Variants in STK32C observed in about 807,000 individuals in gnomAD.
STK32C encodes serine/threonine kinase 32C.
A neutral mutation model predicts 56.5 loss-of-function variants in STK32C; 31 were observed. The observed-to-expected ratio is 0.55, with a 90% CI of 0.41 to 0.74. The LOEUF is 0.74. Among genes scored for constraint, STK32C ranks in the 30% least tolerant of loss-of-function variants. STK32C has a pLI of 0.00. For synonymous variants in STK32C, 309 were observed against 289.4 expected, an observed-to-expected ratio of 1.07 and a Z score of -0.69; for missense variants, 544 against 676.9, an observed-to-expected ratio of 0.80 and a Z score of 2.18.
chr10:132,330,625 ACCCT>A (rs2066650288), intron 1 of STK32C: 1 of 645,868 alleles, frequency 1.5e-6, no homozygotes. Context: ...CTCTTGCCTC[ACCCT>A]CCCACACAGC....
Position 132,328,926 on chromosome 10 carries a change from G to A in STK32C, c.301+2510C>T, listed in dbSNP as rs550188435. 3.3e-5 allele frequency among the ~76,000 whole-genome samples: 5 copies of A among 152,338 alleles called. No homozygotes were observed. The South Asian group carries it at 1.0e-3, about 32-fold the overall frequency. ...CATGACCCCAAAAGGCTGGACGGAGGCTCCTGCCAGAGCATGACACACAGT... is the reference window on the plus strand; with the variant it reads ...CATGACCCCAAAAGGCTGGACGGAGACTCCTGCCAGAGCATGACACACAGT... On this transcript the variant is annotated intron_variant, in intron 1 of 1. Transcript: ENST00000368619.
At chr10:132,229,215 C>G (rs1222220924) in intron 2 of STK32C, among the ~76,000 whole-genome samples, 1 of 152,168 alleles carries the variant, frequency 6.6e-6, no homozygotes, top group African/African-American at 2.4e-5. Context: ...TAATCCAGAC[C>G]CGTTTCCAAG....
intron 2 of STK32C, 92 bp downstream of exon 2, chr10:132,245,808 T>G (rs878958068): frequency 1.5e-6 from 2 of 1,294,910 alleles, no homozygotes. Flanking sequence ...CCAAGGAGGA[T>G]GGGAGTAGGT....
chr10:132,230,009 CT>C (rs1475564444), intron 2 of STK32C, among the ~76,000 whole-genome samples: 1 of 152,180 alleles, frequency 6.6e-6, no homozygotes, highest in Non-Finnish European at 1.5e-5. Flanking sequence ...CAGGAAGAGC[CT>C]TGTGTTGGGG....
At chr10:132,249,373 C>G (rs2137970262) in intron 1 of STK32C, among the ~76,000 whole-genome samples, 1 of 152,286 alleles carries the variant, frequency 6.6e-6, no homozygotes, top group Non-Finnish European at 1.5e-5. Context: ...CCAAGACAGC[C>G]ATGCAGATGC....
intron 1 of STK32C, chr10:132,249,186 C>A (rs1158819287): frequency 1.3e-5 from 2 of 149,678 alleles, no homozygotes; most frequent in African/African-American, 4.4e-5. Context: ...GGGGTCAGGG[C>A]GTGTCAGGGG....
At chr10:132,322,191 T>C (rs1463133527), downstream of STK32C, among the ~76,000 whole-genome samples, 1 of 152,232 alleles carries the variant, frequency 6.6e-6, no homozygotes, top group Non-Finnish European at 1.5e-5. Flanking sequence ...ATATTTTTAT[T>C]GGCCATTTAT....
At chr10:132,248,022 T>G (rs1565106553) in intron 1 of STK32C, among the ~76,000 whole-genome samples, 1 of 152,214 alleles carries the variant, frequency 6.6e-6, no homozygotes, top group East Asian at 1.9e-4. Context: ...GAGCCCCCGT[T>G]CCAGGCGGCA....
At chr10:132,295,607 C>T (rs747903504) in intron 1 of STK32C, among the ~76,000 whole-genome samples, 13 of 152,346 alleles carry the variant, frequency 8.5e-5, no homozygotes, top group South Asian at 2.1e-4. Flanking sequence ...AATTCCAGGC[C>T]GGGCGCAGTG....
At chr10:132,302,484 A>C (rs561990026) in intron 1 of STK32C, among the ~76,000 whole-genome samples, 33 of 152,296 alleles carry the variant, frequency 2.2e-4, no homozygotes, top group African/African-American at 7.9e-4. Context: ...GAACCGGGGA[A>C]GCCAGGAGCA....
chr10:132,289,601 A>G (rs2065506951), intron 1 of STK32C, among the ~76,000 whole-genome samples: 1 of 152,218 alleles, frequency 6.6e-6, no homozygotes, highest in East Asian at 1.9e-4. Flanking sequence ...TTACAGCTGT[A>G]AAGGCTGGGA....
chr10:132,292,071 C>T (rs75028240), intron 1 of STK32C, among the ~76,000 whole-genome samples: 13,626 of 152,186 alleles, frequency 0.09, 678 homozygotes, highest in African/African-American at 0.15. Context: ...GGACTGAGCA[C>T]CTCCCAGGAC....
chr10:132,280,402 G>GCACCTCCACCCCCTGATCACA (rs2065140970), intron 1 of STK32C, among the ~76,000 whole-genome samples: 2 of 115,464 alleles, frequency 1.7e-5, no homozygotes, highest in East Asian at 5.5e-4. Context: ...CCGTGATCAC[G>GCACCTCCACCCCCTGATCACA]CACCTCCACC....
At chr10:132,227,263 T>C (rs2062922458) in intron 3 of STK32C, among the ~76,000 whole-genome samples, 1 of 152,250 alleles carries the variant, frequency 6.6e-6, no homozygotes, top group African/African-American at 2.4e-5. Context: ...TCCGGGTGCT[T>C]CAGGCTGCCC....
chr10:132,293,040 G>A (rs2065618579), intron 1 of STK32C, among the ~76,000 whole-genome samples: 1 of 152,256 alleles, frequency 6.6e-6, no homozygotes, highest in Admixed American at 6.5e-5. Context: ...GCAAGAGGCT[G>A]ACCCAGAGGT....
intron 11 of STK32C, 88 bp from the exon 12 acceptor site, chr10:132,208,239 G>C (rs1421383548): frequency 1.6e-6 from 2 of 1,254,008 alleles, no homozygotes; most frequent in Non-Finnish European, 2.0e-6. Flanking sequence ...TCATGGGGTA[G>C]GCCATGGCGT....
intron 1 of STK32C, among the ~76,000 whole-genome samples, chr10:132,296,840 G>T (rs1251389991): frequency 1.3e-5 from 2 of 152,236 alleles, no homozygotes; most frequent in East Asian, 3.8e-4. Context: ...GGGCATGGTG[G>T]CCACAGAGGC....
At chr10:132,253,563 TCGAGGGAGCTGGAGGGAGCTGGAGGGAGC>T (rs1565114011) in intron 1 of STK32C, among the ~76,000 whole-genome samples, 1 of 68,128 alleles carries the variant, frequency 1.5e-5, no homozygotes. Context: ...CTGGAGGGAG[TCGAGGGAGCTGGAGGGAGCTGGAGGGAGC>T]CGAGGGAGCT....
chr10:132,331,324 T>G, intron 1 of STK32C: 1 of 1,064,574 alleles, frequency 9.4e-7, no homozygotes, highest in Non-Finnish European at 1.3e-6. Flanking sequence ...GATCCTGGAA[T>G]GAAGGTGCAC....
Sources: allele counts gnomAD v4.1 joint callset (sites outside exome capture counted in the v4.1 genomes callset), GRCh38; gene constraint gnomAD v4.1.1; transcripts MANE v1.5; gene names NCBI Gene and HGNC (gene_info 2026-07-23, HGNC 2026-07-21).